Variants in INTU observed in about 807,000 individuals in gnomAD.
The protein encoded by INTU is inturned planar cell polarity protein, also known as protein inturned.
In INTU, 68 loss-of-function variants were observed where a neutral mutation model predicts 100.5. The observed-to-expected ratio is 0.68, with a 90% CI of 0.56 to 0.83. The LOEUF (loss-of-function observed/expected upper bound fraction) is 0.83. INTU is among the 40% of genes least tolerant of loss of function. The pLI is 0.00. For synonymous variants in INTU, 357 were observed against 395.7 expected, an observed-to-expected ratio of 0.90 and a Z score of 1.16; for missense variants, 1,071 against 1,114.7, an observed-to-expected ratio of 0.96 and a Z score of 0.56.
chr4:127,712,473 T>C (rs1450512538), intron 14 of INTU, among the ~76,000 whole-genome samples: 4 of 152,302 alleles, frequency 2.6e-5, no homozygotes, highest in Admixed American at 6.5e-5. Flanking sequence ...AACATTGAGG[T>C]ACCTACTCTG....
chr4:127,655,996 C>T (rs1208925314), intron 2 of INTU, among the ~76,000 whole-genome samples: 1 of 152,280 alleles, frequency 6.6e-6, no homozygotes, highest in South Asian at 2.1e-4. Context: ...CCAGGTGCGT[C>T]CGTCACCCCT....
At chr4:127,693,158 A>C (rs916226539) in intron 8 of INTU, among the ~76,000 whole-genome samples, 2 of 152,050 alleles carry the variant, frequency 1.3e-5, no homozygotes, top group African/African-American at 4.8e-5. Context: ...GAATTTGTAG[A>C]TTGCTTTTGG....
intron 1 of INTU, among the ~76,000 whole-genome samples, chr4:127,642,026 A>T (rs115774403): frequency 0.02 from 3,071 of 151,858 alleles, 100 homozygotes; most frequent in African/African-American, 0.069. Context: ...ATATATATAT[A>T]TTTTTTAAAT....
intron 2 of INTU, among the ~76,000 whole-genome samples, chr4:127,650,367 TC>T (rs1184728558): frequency 0.043 from 4,062 of 95,278 alleles, 249 homozygotes; most frequent in African/African-American, 0.15. Flanking sequence ...ATGCTATCCC[TC>T]CCCCCTCCCC....
intron 1 of INTU, among the ~76,000 whole-genome samples, chr4:127,636,958 C>T (rs1032185085): frequency 6.6e-5 from 10 of 152,086 alleles, no homozygotes; most frequent in Admixed American, 4.6e-4. Context: ...ATGGTATTAC[C>T]CTGCTGTCAT....
intron 2 of INTU, among the ~76,000 whole-genome samples, chr4:127,652,754 T>C (rs1307910954): frequency 7.4e-6 from 1 of 135,140 alleles, no homozygotes; most frequent in Non-Finnish European, 1.5e-5. Context: ...TTAGGAAGGA[T>C]TCCCTCTTTT....
intron 9 of INTU, among the ~76,000 whole-genome samples, chr4:127,702,460 G>T (rs1485028539): frequency 1.3e-5 from 2 of 152,116 alleles, no homozygotes; most frequent in African/African-American, 4.8e-5. Flanking sequence ...TCCATCAGCA[G>T]GTGTGAATAC....
At chr4:127,698,549 C>A (rs1473693716) in intron 8 of INTU, among the ~76,000 whole-genome samples, 1 of 151,264 alleles carries the variant, frequency 6.6e-6, no homozygotes, top group Non-Finnish European at 1.5e-5. Context: ...TTTTTAAAAA[C>A]AAACTAAATA....
At chr4:127,707,779 T>C (rs1223350191) in intron 12 of INTU, among the ~76,000 whole-genome samples, 1 of 152,178 alleles carries the variant, frequency 6.6e-6, no homozygotes, top group Non-Finnish European at 1.5e-5. Context: ...TTTTTCCTAA[T>C]TTTTTCCCAT....
intron 1 of INTU, 105 bp downstream of exon 1, chr4:127,633,285 T>C: frequency 8.4e-7 from 1 of 1,196,136 alleles, no homozygotes; most frequent in Non-Finnish European, 1.2e-6. Flanking sequence ...GAATCGAGTA[T>C]TTGGGGTTCT....
chr4:127,638,067 T>C (rs1727151860), intron 1 of INTU, among the ~76,000 whole-genome samples: 1 of 152,204 alleles, frequency 6.6e-6, no homozygotes, highest in Non-Finnish European at 1.5e-5. Context: ...GGTGTTCCTT[T>C]AGTAAATGAT....
intron 9 of INTU, among the ~76,000 whole-genome samples, chr4:127,702,875 AGT>A (rs1730709382): frequency 6.6e-6 from 1 of 152,032 alleles, no homozygotes; most frequent in South Asian, 2.1e-4. Flanking sequence ...TGTAATATAA[AGT>A]GAATCATCCT....
intron 3 of INTU, among the ~76,000 whole-genome samples, chr4:127,658,673 C>T (rs1188364064): frequency 6.6e-6 from 1 of 152,100 alleles, no homozygotes; most frequent in Non-Finnish European, 1.5e-5. Context: ...GTTATGTTTA[C>T]AGCAGAATCA....
At chr4:127,654,483 G>T (rs563765504) in intron 2 of INTU, among the ~76,000 whole-genome samples, 3,969 of 152,162 alleles carry the variant, frequency 0.026, 170 homozygotes, top group African/African-American at 0.091. Flanking sequence ...TGCTTATGAA[G>T]CTTAGTTTGG....
chr4:127,655,636 CA>C (rs1728161154), intron 2 of INTU, among the ~76,000 whole-genome samples: 1 of 151,066 alleles, frequency 6.6e-6, no homozygotes, highest in Non-Finnish European at 1.5e-5. Context: ...AGCTGTCAGA[CA>C]GGGACATTTA....
intron 14 of INTU, among the ~76,000 whole-genome samples, chr4:127,712,738 A>G (rs1437616958): frequency 6.6e-6 from 1 of 152,218 alleles, no homozygotes; most frequent in Non-Finnish European, 1.5e-5. Context: ...GGAGCAAGCC[A>G]TGTGGCTCTC....
chr4:127,687,604 G>A (rs1729882257), intron 7 of INTU, 74 bp from the exon 8 acceptor site: 13 of 1,168,074 alleles, frequency 1.1e-5, no homozygotes, highest in Non-Finnish European at 1.5e-5. Context: ...GAAAGATCCA[G>A]TTCCCTTAGG....
At chr4:127,700,174 T>C in intron 9 of INTU, 111 bp downstream of exon 9, 1 of 843,514 alleles carries the variant, frequency 1.2e-6, no homozygotes, top group Admixed American at 2.7e-5. Context: ...AAATACACAT[T>C]AGGCCTCTGT....
chr4:127,693,433 A>G (rs938491333), intron 8 of INTU, among the ~76,000 whole-genome samples: 36 of 152,040 alleles, frequency 2.4e-4, no homozygotes, highest in Non-Finnish European at 4.1e-4. Flanking sequence ...GTATCCTGAA[A>G]CTTTGCTGAA....
Sources: allele counts gnomAD v4.1 joint callset (sites outside exome capture counted in the v4.1 genomes callset), GRCh38; gene constraint gnomAD v4.1.1; transcripts MANE v1.5; gene names NCBI Gene and HGNC (gene_info 2026-07-23, HGNC 2026-07-21).